The following SRPK2 variants were observed in gnomAD, a reference collection of about 807,000 sequenced individuals.
The protein encoded by SRPK2 is SFRS protein kinase 2.
In SRPK2, 21 loss-of-function variants were observed where a neutral mutation model predicts 90.8. The observed-to-expected ratio is 0.23, with a 90% CI of 0.16 to 0.33. The LOEUF is 0.33. SRPK2 is among the 10% of genes least tolerant of loss of function. The pLI is 1.00. For missense variants in SRPK2, 620 were observed against 869.0 expected (o/e 0.71, Z 3.60); for synonymous variants, 288 against 311.1 (o/e 0.93, Z 0.78).
At chr7:105,280,628 T>G (rs1440868538) in intron 2 of SRPK2, among the ~76,000 whole-genome samples, 1 of 130,796 alleles carries the variant, frequency 7.6e-6, no homozygotes, top group Non-Finnish European at 1.6e-5. Flanking sequence ...GCTATTTACA[T>G]GTATAAGAAA....
chr7:105,295,095 C>G (rs1342839448), intron 2 of SRPK2, among the ~76,000 whole-genome samples: 1 of 151,682 alleles, frequency 6.6e-6, no homozygotes, highest in African/African-American at 2.4e-5. Context: ...GCCTGTAGTC[C>G]CAGCTACTCA....
chr7:105,380,595 C>T (rs1410991715), intron 2 of SRPK2, among the ~76,000 whole-genome samples: 2 of 148,792 alleles, frequency 1.3e-5, no homozygotes, highest in Non-Finnish European at 3.0e-5. Context: ...GCCATCTCAG[C>T]TCACTGCAAG....
chr7:105,226,005 T>C (rs560777062), intron 2 of SRPK2, among the ~76,000 whole-genome samples: 3 of 152,342 alleles, frequency 2.0e-5, no homozygotes, highest in Non-Finnish European at 4.4e-5. Context: ...TGAACAATGC[T>C]GCTTAGAGTT....
chr7:105,238,396 G>A (rs1396920675), intron 2 of SRPK2, among the ~76,000 whole-genome samples: 1 of 152,234 alleles, frequency 6.6e-6, no homozygotes, highest in South Asian at 2.1e-4. Context: ...AGGCAGCCAA[G>A]GCAGAGGCCC....
At chr7:105,288,496 A>C (rs1808482548) in intron 2 of SRPK2, among the ~76,000 whole-genome samples, 1 of 152,080 alleles carries the variant, frequency 6.6e-6, no homozygotes, top group Admixed American at 6.5e-5. Context: ...TGGGAGGCTG[A>C]GCCAGGAGAA....
rs575428577 is a variant in SRPK2 at position 105,314,769 on chromosome 7, T to C, written c.71+73879A>G. Among the ~76,000 whole-genome samples the C allele has an allele frequency of 2.1e-3, 325 of 152,342 alleles. 1 individual carries two copies. The highest frequency in any genetic ancestry group is 6.8e-3 in the South Asian group (33 of 4,828). On this transcript the variant is annotated intron_variant, in intron 2 of 15. Transcript: ENST00000393651. ...TAGAAAATGAATGCTCATAGGTGTATAGCACATTACATATAACAAAAGAAA... is the reference window on the plus strand; with the variant it reads ...TAGAAAATGAATGCTCATAGGTGTACAGCACATTACATATAACAAAAGAAA...
chr7:105,359,848 T>C (rs1563284658), intron 2 of SRPK2, among the ~76,000 whole-genome samples: 1 of 152,198 alleles, frequency 6.6e-6, no homozygotes, highest in Non-Finnish European at 1.5e-5. Context: ...GAAGAATGTA[T>C]ATTCCGTTGA....
chr7:105,176,838 T>C (rs547642301), intron 3 of SRPK2, among the ~76,000 whole-genome samples: 2 of 152,134 alleles, frequency 1.3e-5, no homozygotes, highest in Non-Finnish European at 2.9e-5. Context: ...TTTCACCATG[T>C]TGGCCAGGCT....
intron 2 of SRPK2, among the ~76,000 whole-genome samples, chr7:105,276,490 C>A (rs1806511577): frequency 6.6e-6 from 1 of 151,148 alleles, no homozygotes; most frequent in African/African-American, 2.4e-5. Context: ...GTAATCCCAA[C>A]AATTAAGGAG....
At chr7:105,170,928 GAAAAAGGAAAGAAAGAAAGAAA>G (rs1790934003) in intron 3 of SRPK2, among the ~76,000 whole-genome samples, 2 of 53,100 alleles carry the variant, frequency 3.8e-5, no homozygotes, top group Admixed American at 5.3e-4. Flanking sequence ...GAAAGAAAAA[GAAAAAGGAAAGAAAGAAAGAAA>G]GAAAGAAAGA....
In SRPK2 at chr7:105,146,778, T is replaced by C. The variant is rs947706463; in HGVS notation, c.622-120A>G. On this transcript the variant is annotated intron_variant, in intron 7 of 15. Coordinates refer to ENST00000393651, the MANE Select transcript of SRPK2 (RefSeq NM_182692.3). ...ACAAAGTTTGATAAACACAAAAGGA[T>C]ATTTAGTAAAAATCTCCCTCCCATG... The C allele has an allele frequency of 2.8e-6, 3 of 1,084,290 alleles. No homozygotes were observed. In the African/African-American group the frequency reaches 4.8e-5, roughly 17 times the overall value. 67.2% of individuals were successfully genotyped at this position (1,084,290 alleles called of 1,614,324 possible). A position where few individuals can be genotyped will look rare whatever the true frequency, so the allele number is the denominator to read the frequency against.
chr7:105,301,684 C>T (rs1477009802), intron 2 of SRPK2: 6 of 1,611,412 alleles, frequency 3.7e-6, no homozygotes, highest in Non-Finnish European at 5.1e-6. Flanking sequence ...AGAAACATAT[C>T]CCCAAACACC....
intron 3 of SRPK2, among the ~76,000 whole-genome samples, chr7:105,170,965 AAGAGAAAGAAAGAG>A (rs772866764): frequency 1.3e-4 from 4 of 31,850 alleles, no homozygotes; most frequent in Non-Finnish European, 2.9e-4. Context: ...GAAAGAAAGA[AAGAGAAAGAAAGAG>A]AAAGAAAGAA....
chr7:105,245,628 G>A (rs1028945915), intron 2 of SRPK2, among the ~76,000 whole-genome samples: 2 of 152,034 alleles, frequency 1.3e-5, no homozygotes, highest in Non-Finnish European at 2.9e-5. Context: ...CAAAGAAACC[G>A]GTAGGATCTA....
intron 6 of SRPK2, among the ~76,000 whole-genome samples, chr7:105,165,210 T>C (rs1157606649): frequency 6.6e-6 from 1 of 152,176 alleles, no homozygotes; most frequent in Non-Finnish European, 1.5e-5. Context: ...ATGCCAACCC[T>C]TTCTACAATC....
At chr7:105,259,949 G>GC (rs1404687069) in intron 2 of SRPK2, among the ~76,000 whole-genome samples, 1 of 152,094 alleles carries the variant, frequency 6.6e-6, no homozygotes, top group Non-Finnish European at 1.5e-5. Flanking sequence ...GAAAACCTAG[G>GC]CAATACCATT....
intron 2 of SRPK2, among the ~76,000 whole-genome samples, chr7:105,219,220 T>C (rs1193746810): frequency 1.3e-5 from 2 of 152,122 alleles, no homozygotes; most frequent in Admixed American, 6.5e-5. Context: ...CGGAACATTT[T>C]GGAGACACTA....
At position 105,247,517 on chromosome 7, in the gene SRPK2, C is replaced by CACGCACACACACAA. The variant is rs1424579673; in HGVS notation, c.72-43733_72-43732insTTGTGTGTGTGCGT. Among the ~76,000 whole-genome samples the CACGCACACACACAA allele has an allele frequency of 6.4e-3, 741 of 115,948 alleles. 7 individuals carry two copies. The highest frequency in any genetic ancestry group is 0.022 in the African/African-American group (698 of 31,310). The allele number at this position is 115,948 out of a possible 152,430, so 76.1% of individuals were successfully genotyped here. On this transcript the variant is annotated intron_variant, in intron 2 of 15. Transcript: ENST00000393651. ...CCGGAGTGCCATACATACCAAAAAA[C>CACGCACACACACAA]ACACACACACATAAACACACACACA...
At chr7:105,293,818 C>T (rs760540372) in intron 2 of SRPK2, among the ~76,000 whole-genome samples, 34 of 152,278 alleles carry the variant, frequency 2.2e-4, no homozygotes, top group South Asian at 1.0e-3. Flanking sequence ...CAGAACTGGG[C>T]CCCAGATCTT....
Sources: gnomAD v4.1 joint callset for allele counts (sites outside exome capture counted in the v4.1 genomes callset) on GRCh38, gnomAD v4.1.1 for gene constraint, MANE v1.5 for transcripts, NCBI Gene and HGNC (gene_info 2026-07-23, HGNC 2026-07-21) for gene names.